The following CACNA1A variants were observed in gnomAD, a reference collection of about 807,000 sequenced individuals.
The protein encoded by CACNA1A is voltage-dependent P/Q-type calcium channel subunit alpha-1A.
In CACNA1A, 57 loss-of-function variants were observed where a neutral mutation model predicts 262.4. The ratio of observed to expected loss-of-function variants is 0.22; its 90% CI spans 0.18 to 0.27. The LOEUF is 0.27. CACNA1A is among the 10% of genes least tolerant of loss of function. The pLI, the probability that CACNA1A is intolerant of heterozygous loss-of-function variation, is 1.00. For synonymous variants in CACNA1A, 1,431 were observed against 1,419.3 expected (o/e 1.01, Z -0.18); for missense variants, 2,526 against 3,562.8 (o/e 0.71, Z 7.41).
rs769984422 is a variant in CACNA1A at position 13,506,009 on chromosome 19, G to A, written c.216C>T (p.Leu72=). 6.2e-7 allele frequency: 1 copy of A among 1,613,986 alleles called. No homozygotes were observed. Among genetic ancestry groups the A allele is most frequent in the South Asian group, 1.1e-5 (1 of 91,066 alleles). The change falls in exon 1 of 47, where the codon CTC becomes CTT. Residue 72 remains leucine (L), a synonymous_variant. Coordinates refer to ENST00000360228, the MANE Select transcript of CACNA1A (RefSeq NM_001127222.2). ...AGAGGAAGAGAGACCGGTTAACCGT[G>A]AGGCAGTTCTGTCGGACGGGGATGG... ...YNPIPVRQNC[L]TVNRSLFLFS...
At chr19:13,327,158 G>A (rs2058377332) in intron 10 of CACNA1A, among the ~76,000 whole-genome samples, 1 of 152,092 alleles carries the variant, frequency 6.6e-6, no homozygotes, top group Non-Finnish European at 1.5e-5. Context: ...TGGGATTACA[G>A]GCGTGAGCCA....
intron 19 of CACNA1A, among the ~76,000 whole-genome samples, chr19:13,291,552 A>G (rs1012785256): frequency 2.7e-5 from 4 of 150,386 alleles, no homozygotes; most frequent in African/African-American, 9.8e-5. Flanking sequence ...TAATCCTAGC[A>G]CTTTGGGAGG....
At chr19:13,255,759 CCCTCCTTCCCTCCCTCCTTTCCTT>C (rs1191539078) in intron 28 of CACNA1A, among the ~76,000 whole-genome samples, 7 of 116,168 alleles carry the variant, frequency 6.0e-5, no homozygotes, top group East Asian at 6.4e-4. Flanking sequence ...CTCCTTCCCT[CCCTCCTTCCCTCCCTCCTTTCCTT>C]CCTTCCTCCC....
chr19:13,283,014 A>G (rs73511449), intron 22 of CACNA1A, among the ~76,000 whole-genome samples: 1 of 152,300 alleles, frequency 6.6e-6, no homozygotes, highest in African/African-American at 2.4e-5. Flanking sequence ...TAGAGAATCC[A>G]GCAATTTTCA....
intron 3 of CACNA1A, among the ~76,000 whole-genome samples, chr19:13,399,397 A>G (rs1470306861): frequency 1.1e-5 from 1 of 91,062 alleles, no homozygotes; most frequent in Admixed American, 1.2e-4. Flanking sequence ...CAAAAATGAG[A>G]AGAAGAAGAA....
At position 13,386,202 on chromosome 19, in the gene CACNA1A, C is replaced by T. The variant is rs79280640; in HGVS notation, c.540-14423G>A. 1.4e-3 allele frequency among the ~76,000 whole-genome samples: 212 copies of T among 151,750 alleles called. 2 individuals carry two copies. The East Asian group carries it at 0.036, about 26-fold the overall frequency. ...AGAATGGAAGACACAGTTGTCCATC[C>T]AAGAGCCACCACCACTACCCGCCTT... On this transcript the variant is annotated intron_variant, in intron 3 of 46. Coordinates refer to ENST00000360228, the MANE Select transcript of CACNA1A (RefSeq NM_001127222.2).
intron 3 of CACNA1A, among the ~76,000 whole-genome samples, chr19:13,428,339 T>A (rs2144814146): frequency 6.6e-6 from 1 of 152,346 alleles, no homozygotes; most frequent in Non-Finnish European, 1.5e-5. Context: ...ATTATTAGGC[T>A]GATGAGTGCA....
At chr19:13,274,792 C>T (rs1412788762) in intron 24 of CACNA1A, 1 of 151,930 alleles carries the variant, frequency 6.6e-6, no homozygotes, top group African/African-American at 2.4e-5. Flanking sequence ...CTTGAGATGG[C>T]TGCCCAGAAC....
chr19:13,485,882 C>A (rs1193072291), intron 1 of CACNA1A, among the ~76,000 whole-genome samples: 1 of 152,160 alleles, frequency 6.6e-6, no homozygotes, highest in Non-Finnish European at 1.5e-5. Flanking sequence ...TCCAGAGAGA[C>A]CCCTGCAAGC....
At position 13,230,987 on chromosome 19, in the gene CACNA1A, GT is replaced by G. The variant is rs1168337382; in HGVS notation, c.5400+722del. Among the ~76,000 whole-genome samples, 12 of 132,242 alleles carry G rather than the reference GT, an allele frequency of 9.1e-5. No individual in the cohort carries two copies. The South Asian group carries it at 1.0e-3, about 11-fold the overall frequency. 86.8% of individuals were successfully genotyped at this position (132,242 alleles called of 152,430 possible). ...AGTGAGGTATTTCTTCCCTCGCAAT[GT>G]TTTTTTTTTTTTTGTTTGTTTTTGT... On this transcript the variant is annotated intron_variant, in intron 35 of 46. Coordinates refer to ENST00000360228, the MANE Select transcript of CACNA1A (RefSeq NM_001127222.2).
chr19:13,328,842 G>C (rs890658533), intron 10 of CACNA1A, among the ~76,000 whole-genome samples: 4 of 151,978 alleles, frequency 2.6e-5, no homozygotes, highest in African/African-American at 9.7e-5. Context: ...ATACGAAATA[G>C]TGGATCAGAA....
intron 29 of CACNA1A, among the ~76,000 whole-genome samples, chr19:13,254,796 T>C (rs2056499356): frequency 6.6e-6 from 1 of 152,080 alleles, no homozygotes; most frequent in South Asian, 2.1e-4. Context: ...CTGACGCAGA[T>C]TTTTGTGGCA....
chr19:13,347,178 C>T (rs1279064253), intron 6 of CACNA1A, among the ~76,000 whole-genome samples: 2 of 151,228 alleles, frequency 1.3e-5, no homozygotes, highest in African/African-American at 4.9e-5. Context: ...CCCATCTCAG[C>T]CTCTCAAGTA....
Position 13,207,437 on chromosome 19 carries a change from G to GAAGGC in CACNA1A, c.7392_7396dup (p.Ser2466CysfsTer144). 6.6e-7 allele frequency: 1 copy of GAAGGC among 1,519,846 alleles called. No individual in the cohort carries two copies. The highest frequency in any genetic ancestry group is 1.7e-4 in the Middle Eastern group (1 of 5,766). 94.1% of individuals were successfully genotyped at this position (1,519,846 alleles called of 1,614,324 possible). A position where few individuals can be genotyped will look rare whatever the true frequency, so the allele number is the denominator to read the frequency against. ...GTTGGGGAGTCGCCGGCCGTGCCGAGAAGGCGAGGCGCAGGCCGGGCCCGA... is the reference window on the plus strand; with the variant it reads ...GTTGGGGAGTCGCCGGCCGTGCCGAGAAGGCAAGGCGAGGCGCAGGCCGGGCCCGA... On this transcript the variant is annotated frameshift_variant, in exon 47 of 47. Coordinates refer to ENST00000360228, the MANE Select transcript of CACNA1A (RefSeq NM_001127222.2). LOFTEE classifies it high-confidence loss of function. The surrounding 1 kb of genome is among the most constrained non-coding windows in gnomAD (Gnocchi z 5.7).
At chr19:13,355,639 C>T (rs2058995715) in intron 6 of CACNA1A, among the ~76,000 whole-genome samples, 1 of 152,050 alleles carries the variant, frequency 6.6e-6, no homozygotes, top group Non-Finnish European at 1.5e-5. Context: ...GGGGGCTGCT[C>T]CTAGGGGTTG....
chr19:13,331,845 A>C (rs1262286990), intron 9 of CACNA1A, among the ~76,000 whole-genome samples: 1 of 151,828 alleles, frequency 6.6e-6, no homozygotes, highest in Admixed American at 6.6e-5. Context: ...TTTTTTGTAG[A>C]GACGGAACCT....
intron 3 of CACNA1A, among the ~76,000 whole-genome samples, chr19:13,398,408 T>C (rs2059845096): frequency 6.6e-6 from 1 of 152,242 alleles, no homozygotes; most frequent in African/African-American, 2.4e-5. Flanking sequence ...TTATAAACAG[T>C]AACTAATACA....
At chr19:13,317,011 G>A in intron 11 of CACNA1A, 101 bp downstream of exon 11, 1 of 731,306 alleles carries the variant, frequency 1.4e-6, no homozygotes, top group Non-Finnish European at 2.3e-6. Context: ...GATTCAATGA[G>A]GACCAAAGAA....
chr19:13,449,665 G>C (rs569831667), intron 3 of CACNA1A, among the ~76,000 whole-genome samples: 10 of 152,206 alleles, frequency 6.6e-5, no homozygotes, highest in African/African-American at 2.4e-4. Flanking sequence ...TCACTCTGAT[G>C]CTATTTAAAA....
Sources: gnomAD v4.1 joint callset for allele counts (sites outside exome capture counted in the v4.1 genomes callset) on GRCh38, gnomAD v4.1.1 for gene constraint, Gnocchi (gnomAD v3.1) non-coding constraint, MANE v1.5 for transcripts, NCBI Gene and HGNC (gene_info 2026-07-23, HGNC 2026-07-21) for gene names.